PIK3C2G: variants seen among roughly 807,000 people sequenced by gnomAD.
PIK3C2G encodes phosphatidylinositol-4-phosphate 3-kinase catalytic subunit type 2 gamma, also known as phosphatidylinositol 3-kinase C2 domain-containing subunit gamma.
In PIK3C2G, 168 loss-of-function variants were observed where a neutral mutation model predicts 181.1. That is an observed-to-expected ratio of 0.93 (90% confidence interval 0.82 to 1.05). PIK3C2G has a LOEUF of 1.05. Among genes scored for constraint, PIK3C2G ranks in the 50% least tolerant of loss-of-function variants. The probability of loss-of-function intolerance (pLI) is 0.00; values close to 1 mark genes in which losing one functional copy is unlikely to be tolerated. For missense variants in PIK3C2G, 1,869 were observed against 1,732.8 expected, an observed-to-expected ratio of 1.08 and a Z score of -1.40; for synonymous variants, 573 against 592.2, an observed-to-expected ratio of 0.97 and a Z score of 0.47.
At chr12:18,695,237 TC>T in the PIK3C2G span, among the ~76,000 whole-genome samples, 13 of 152,332 alleles carry the variant, frequency 8.5e-5, no homozygotes, top group African/African-American at 2.9e-4. Context: ...AAACTCTTTC[TC>T]CTGCCATGTC....
At chr12:18,253,165 C>A (rs1948111257) in intron 1 of PIK3C2G, among the ~76,000 whole-genome samples, 1 of 152,084 alleles carries the variant, frequency 6.6e-6, no homozygotes, top group Admixed American at 6.5e-5. Context: ...TTTTTAAAAG[C>A]TGTGCTACAA....
chr12:18,685,773 A>T, the PIK3C2G span: 2 of 369,784 alleles, frequency 5.4e-6, no homozygotes, highest in Non-Finnish European at 1.1e-5. Flanking sequence ...CTCCAATCCT[A>T]CTTCATTACA....
At chr12:18,699,986 C>T in the PIK3C2G span, 7 of 1,580,372 alleles carry the variant, frequency 4.4e-6, no homozygotes, top group South Asian at 8.0e-5. Context: ...CATTTTTATG[C>T]TAATCATTGG....
intron 18 of PIK3C2G, among the ~76,000 whole-genome samples, chr12:18,424,299 T>C (rs979563497): frequency 3.9e-5 from 6 of 152,230 alleles, no homozygotes; most frequent in African/African-American, 1.4e-4. Context: ...GATGCCTTTC[T>C]TGTAGCTTTA....
chr12:18,602,755 T>A (rs914564173), intron 30 of PIK3C2G, among the ~76,000 whole-genome samples: 1 of 152,064 alleles, frequency 6.6e-6, no homozygotes, highest in African/African-American at 2.4e-5. Flanking sequence ...ACTGGGTGAA[T>A]GAACCCGGAA....
In PIK3C2G at chr12:18,282,410, G is replaced by A; in HGVS notation, c.329G>A (p.Ser110Asn). Residue 110 changes from serine (S) to asparagine (N), a missense_variant, in exon 2 of 33, where the codon AGT (serine) becomes AAT (asparagine). Transcript: ENST00000538779. ...QVSKAPAIGF[S>N]PSVLPKPQNT... The stretch of plus-strand genomic sequence containing the variant: ...AGCAAAGCACCAGCAATTGGTTTTA[G>A]TCCTTCTGTGTTACCAAAACCTCAA... 1 of 1,613,442 alleles carries A rather than the reference G, an allele frequency of 6.2e-7. No homozygotes were observed.
intron 1 of PIK3C2G, among the ~76,000 whole-genome samples, chr12:18,274,568 C>T (rs923619716): frequency 3.3e-5 from 5 of 152,206 alleles, no homozygotes; most frequent in African/African-American, 1.2e-4. Flanking sequence ...AAACCAAACA[C>T]CGCATGTTCT....
downstream of PIK3C2G, among the ~76,000 whole-genome samples, chr12:18,651,999 T>C (rs1328702415): frequency 1.3e-5 from 2 of 152,154 alleles, no homozygotes; most frequent in East Asian, 1.9e-4. Context: ...ATATTTATTA[T>C]TGGAGGAGAA....
intron 26 of PIK3C2G, among the ~76,000 whole-genome samples, chr12:18,554,823 C>G (rs889113502): frequency 1.3e-5 from 2 of 151,726 alleles, no homozygotes; most frequent in African/African-American, 4.9e-5. Flanking sequence ...GAAACTATGA[C>G]AAAGTTTTAT....
At position 18,560,262 on chromosome 12, in the gene PIK3C2G, T is replaced by C. The variant is rs548343531; in HGVS notation, c.3591-2441T>C. On this transcript the variant is annotated intron_variant, in intron 26 of 32. Coordinates refer to ENST00000538779, the MANE Select transcript of PIK3C2G (RefSeq NM_001288772.2). ...TAAAAATGAACAAGAAAAGTGACCA[T>C]GGTTGAAAGTCATATAGAATTATAA... Among the ~76,000 whole-genome samples, 217 of 152,008 alleles carry C rather than the reference T, an allele frequency of 1.4e-3. 1 individual carries two copies. Among genetic ancestry groups the C allele is most frequent in the Non-Finnish European group, 2.4e-3 (165 of 67,980 alleles).
chr12:18,701,484 A>G, the PIK3C2G span: 1 of 1,614,104 alleles, frequency 6.2e-7, no homozygotes, highest in Non-Finnish European at 8.5e-7. Context: ...TAAGATTTTC[A>G]CAAAACACCA....
intron 24 of PIK3C2G, among the ~76,000 whole-genome samples, chr12:18,523,295 T>C (rs1943029902): frequency 6.6e-6 from 1 of 152,222 alleles, no homozygotes. Flanking sequence ...CATATTTCCA[T>C]GATTTTTTAT....
chr12:18,347,336 G>A (rs1359869825), intron 11 of PIK3C2G, among the ~76,000 whole-genome samples: 1 of 152,064 alleles, frequency 6.6e-6, no homozygotes, highest in African/African-American at 2.4e-5. Flanking sequence ...AGAAATGAAC[G>A]ACAATTACAC....
Position 18,538,245 on chromosome 12 carries a change from A to G in PIK3C2G, c.3413A>G (p.Glu1138Gly). 1 of 1,612,386 alleles carries G rather than the reference A, an allele frequency of 6.2e-7. No homozygotes were observed. The highest frequency in any genetic ancestry group is 1.1e-5 in the South Asian group (1 of 90,940). ...CCACAGCATTTTCAAGATTTTGTGG[A>G]ACTTTGCTGTCGTGCTTATAATATT... ...KNPQHFQDFV[E>G]LCCRAYNIIR... The change falls in exon 25 of 33, where the codon GAA becomes GGA. Residue 1138 changes from glutamate to glycine, a missense_variant. By Grantham distance (98) the Glu-to-Gly change is moderately conservative (BLOSUM62 -2). Transcript: ENST00000538779.
chr12:18,415,462 T>C (rs916026721), intron 16 of PIK3C2G, among the ~76,000 whole-genome samples: 8 of 152,206 alleles, frequency 5.3e-5, no homozygotes, highest in Admixed American at 6.5e-5. Context: ...GGCTGCTCCC[T>C]GTCTCTCTCC....
chr12:18,666,792 T>C, the PIK3C2G span, among the ~76,000 whole-genome samples: 60,170 of 152,134 alleles, frequency 0.4, 14,322 homozygotes, highest in South Asian at 0.6. Flanking sequence ...TTCTCCAGGA[T>C]AGACCACATA....
At chr12:18,305,256 A>T (rs375608661) in intron 5 of PIK3C2G, among the ~76,000 whole-genome samples, 4 of 152,146 alleles carry the variant, frequency 2.6e-5, no homozygotes, top group Non-Finnish European at 5.9e-5. Context: ...TGAAATCCCA[A>T]AGAAAGACCT....
chr12:18,496,122 C>A lies in PIK3C2G; in HGVS notation c.2854C>A (p.Pro952Thr). 1 of 1,544,810 alleles carries A rather than the reference C, an allele frequency of 6.5e-7. No individual in the cohort carries two copies. The highest frequency in any genetic ancestry group is 8.8e-7 in the Non-Finnish European group (1 of 1,142,170). The change falls in exon 21 of 33, where the codon CCG becomes ACG. Residue 952 changes from proline to threonine, a missense_variant. Transcript: ENST00000538779. ...GAAGATTACTTTCATCAATGCTAAT[C>A]CGATGGGCAAAAACATCAGCATTAT... is the stretch of plus-strand genomic sequence containing the variant. ...PLKITFINAN[P>T]MGKNISIIFK...
At chr12:18,408,400 C>T (rs553519026) in intron 16 of PIK3C2G, among the ~76,000 whole-genome samples, 1 of 152,228 alleles carries the variant, frequency 6.6e-6, no homozygotes, top group African/African-American at 2.4e-5. Flanking sequence ...TCTGAGGCCT[C>T]TGTTCTGTTC....
Sources: allele counts gnomAD v4.1 joint callset (sites outside exome capture counted in the v4.1 genomes callset), GRCh38; gene constraint gnomAD v4.1.1; transcripts MANE v1.5; gene names NCBI Gene and HGNC (gene_info 2026-07-23, HGNC 2026-07-21).